NFS1: variants seen among roughly 807,000 people sequenced by gnomAD.
NFS1 encodes the protein NFS1 cysteine desulfurase.
A neutral mutation model predicts 57.3 loss-of-function variants in NFS1; 26 were observed. That is an observed-to-expected ratio of 0.45 (90% CI 0.33 to 0.63). The LOEUF (loss-of-function observed/expected upper bound fraction) is 0.63, where lower values mean the gene tolerates loss of function less well. Among genes scored for constraint, NFS1 ranks in the 20% least tolerant of loss-of-function variants. NFS1 has a pLI of 0.02. For missense variants in NFS1, 505 were observed against 605.8 expected (o/e 0.83, Z 1.75); for synonymous variants, 209 against 216.3 (o/e 0.97, Z 0.30).
At chr20:35,672,733 G>A (rs759785085) in intron 12 of NFS1, 22 bp downstream of exon 12, 32 of 1,530,594 alleles carry the variant, frequency 2.1e-5, no homozygotes, top group South Asian at 1.0e-4. Context: ...CTTCCAAAGC[G>A]TCTCTGATAC....
chr20:35,682,081 A>G, intron 5 of NFS1, 100 bp from the exon 6 acceptor site: 1 of 594,214 alleles, frequency 1.7e-6, no homozygotes, highest in African/African-American at 1.8e-5. Flanking sequence ...CTTATACTAC[A>G]TACCTATCTG....
intron 11 of NFS1, among the ~76,000 whole-genome samples, chr20:35,673,116 C>T (rs548674405): frequency 3.3e-4 from 50 of 152,028 alleles, no homozygotes; most frequent in African/African-American, 1.1e-3. Context: ...GGTGAAACCC[C>T]GTCTCTACTA....
intron 4 of NFS1, among the ~76,000 whole-genome samples, chr20:35,691,429 C>A: frequency 6.9e-6 from 1 of 145,950 alleles, no homozygotes. Flanking sequence ...CTAAAAAAAA[C>A]ATTTATCTCA....
At chr20:35,669,771 C>T (rs2034623532) in intron 12 of NFS1, 86 bp from the exon 13 acceptor site, 10 of 1,251,400 alleles carry the variant, frequency 8.0e-6, no homozygotes, top group Non-Finnish European at 1.2e-5. Context: ...CAATGGCTTG[C>T]CTCCTTCTGT....
chr20:35,688,630 G>A (rs2034986579), intron 5 of NFS1, among the ~76,000 whole-genome samples: 1 of 151,834 alleles, frequency 6.6e-6, no homozygotes, highest in African/African-American at 2.4e-5. Context: ...TGAGCTATGA[G>A]CCCAGAAGTC....
At chr20:35,689,270 C>T (rs2034998739) in intron 5 of NFS1, among the ~76,000 whole-genome samples, 1 of 151,430 alleles carries the variant, frequency 6.6e-6, no homozygotes, top group Non-Finnish European at 1.5e-5. Flanking sequence ...GGTGGATCAC[C>T]TGAGGTCAAA....
chr20:35,682,902 C>A (rs1019095439), intron 5 of NFS1: 1 of 165,030 alleles, frequency 6.1e-6, no homozygotes, highest in Non-Finnish European at 1.3e-5. Flanking sequence ...CACAGTGAAA[C>A]CCTGTCTCTA....
At chr20:35,697,877 AC>A in intron 2 of NFS1, 77 bp from the exon 3 acceptor site, 1 of 928,136 alleles carries the variant, frequency 1.1e-6, no homozygotes, top group Non-Finnish European at 1.7e-6. Context: ...AGACCTGGCC[AC>A]CCTGCCTTAA....
At chr20:35,670,693 G>C (rs2034638651) in intron 12 of NFS1, among the ~76,000 whole-genome samples, 1 of 152,142 alleles carries the variant, frequency 6.6e-6, no homozygotes, top group Non-Finnish European at 1.5e-5. Context: ...GAAGGAATAG[G>C]GTGCAGATGC....
chr20:35,680,955 A>C, intron 6 of NFS1, 84 bp from the exon 7 acceptor site: 2 of 1,161,608 alleles, frequency 1.7e-6, no homozygotes, highest in Non-Finnish European at 2.3e-6. Context: ...AATTATCTCC[A>C]ATAGTAAATG....
Position 35,697,666 on chromosome 20 carries a change from A to C in NFS1, c.324+18T>G. ...CCCCTCTTTGACCTTAGAACCTCCTAGACTCCTGTGTACTAACCTGACGAG... is the reference window on the plus strand; with the variant it reads ...CCCCTCTTTGACCTTAGAACCTCCTCGACTCCTGTGTACTAACCTGACGAG... On this transcript the variant is annotated intron_variant, in intron 3 of 12. Transcript: ENST00000374092. 1 of 1,575,810 alleles carries C rather than the reference A, an allele frequency of 6.3e-7. No individual in the cohort carries two copies. Among genetic ancestry groups the C allele is most frequent in the Non-Finnish European group, 8.7e-7 (1 of 1,151,470 alleles).
intron 4 of NFS1, among the ~76,000 whole-genome samples, chr20:35,693,724 T>A (rs2035082789): frequency 1.3e-5 from 2 of 151,980 alleles, no homozygotes; most frequent in Non-Finnish European, 2.9e-5. Context: ...AGCACTTCGG[T>A]TGGCCAAGGC....
intron 1 of NFS1, chr20:35,698,935 A>T: frequency 7.6e-7 from 1 of 1,308,486 alleles, no homozygotes; most frequent in Non-Finnish European, 9.7e-7. Context: ...CCGGAGCAGC[A>T]TCTGTAACTT....
chr20:35,687,845 C>A (rs566397216), intron 5 of NFS1, among the ~76,000 whole-genome samples: 1 of 152,306 alleles, frequency 6.6e-6, no homozygotes, highest in East Asian at 1.9e-4. Flanking sequence ...CATCTGTAAT[C>A]CCAGTGCTTT....
At chr20:35,671,933 C>T (rs1454172870) in intron 12 of NFS1, among the ~76,000 whole-genome samples, 1 of 150,048 alleles carries the variant, frequency 6.7e-6, no homozygotes, top group Non-Finnish European at 1.5e-5. Context: ...CTGCATTCAT[C>T]TAGTTCTTTA....
intron 7 of NFS1, among the ~76,000 whole-genome samples, chr20:35,677,748 TCCA>T (rs2034778411): frequency 6.6e-6 from 1 of 152,156 alleles, no homozygotes; most frequent in African/African-American, 2.4e-5. Context: ...GGCAGTGGTT[TCCA>T]AATCGATTAT....
intron 4 of NFS1, chr20:35,692,431 G>A (rs118055036): frequency 0.039 from 6,432 of 163,458 alleles, 152 homozygotes; most frequent in African/African-American, 0.071. Context: ...ATGTGGTGGT[G>A]GCTAATGCCT....
chr20:35,680,750 G>T lies in NFS1; in HGVS notation c.777C>A (p.Ile259=), dbSNP rs2034834108. ...AGGGGCTGGTACCTTTGGGACCGTA[G>T]ATTTTGTGACCACTAATGCTCATGA... ...IDLMSISGHK[I]YGPKGVGAIY... Residue 259 remains isoleucine, a synonymous_variant, in exon 7 of 13, where the codon ATC becomes ATA. Transcript: ENST00000374092. 1 of 1,555,716 alleles carries T rather than the reference G, an allele frequency of 6.4e-7. No homozygotes were observed. Among genetic ancestry groups the T allele is most frequent in the Non-Finnish European group, 8.7e-7 (1 of 1,153,092 alleles).
In NFS1 at chr20:35,691,880, C is replaced by T. The variant is rs141833895; in HGVS notation, c.409-1315G>A. Among the ~76,000 whole-genome samples the T allele has an allele frequency of 3.2e-3, 480 of 151,486 alleles. 1 individual carries two copies. The highest frequency in any genetic ancestry group is 0.011 in the African/African-American group (446 of 41,272). On this transcript the variant is annotated intron_variant, in intron 4 of 12. Transcript: ENST00000374092. ...CCTGACGAACATGGTGGAACCCCAT[C>T]TCTACTAAAAATACAAAAATGGCCA...
Sources: gnomAD v4.1 joint callset for allele counts (sites outside exome capture counted in the v4.1 genomes callset) on GRCh38, gnomAD v4.1.1 for gene constraint, MANE v1.5 for transcripts, NCBI Gene and HGNC (gene_info 2026-07-23, HGNC 2026-07-21) for gene names.